CTNND1: variants seen among roughly 807,000 people sequenced by gnomAD.
CTNND1 encodes the protein catenin delta-1.
In CTNND1, 16 loss-of-function variants were observed where a neutral mutation model predicts 112.1. That is an observed-to-expected ratio of 0.14 (90% CI 0.10 to 0.22). The LOEUF (loss-of-function observed/expected upper bound fraction) is 0.22, where lower values mean the gene tolerates loss of function less well. CTNND1 is among the 10% of genes least tolerant of loss of function. The pLI is 1.00. For synonymous variants in CTNND1, 420 were observed against 446.5 expected (o/e 0.94, Z 0.75); for missense variants, 1,008 against 1,257.0 (o/e 0.80, Z 3.00).
At chr11:57,790,263 T>TTTCC (rs1423089682) in intron 2 of CTNND1, among the ~76,000 whole-genome samples, 1 of 152,020 alleles carries the variant, frequency 6.6e-6, no homozygotes, top group Non-Finnish European at 1.5e-5. Context: ...AGAGATAAGG[T>TTTCC]TTCCCCATGT....
rs779598158 is a variant in CTNND1, at chr11:57,783,360, T to C, written c.-213-5677T>C. ...GGTACTTAGACTTTGGACTCTGGTA[T>C]AAGCACTGATAAGAAGCCATAGAAA... On this transcript the variant is annotated intron_variant, in intron 1 of 20. Transcript: ENST00000399050. 1.3e-4 allele frequency among the ~76,000 whole-genome samples: 20 copies of C among 150,990 alleles called. No individual in the cohort carries two copies. In the South Asian group the frequency reaches 2.3e-3, roughly 17 times the overall value.
At chr11:57,815,569 AAC>A (rs1316456651) in intron 19 of CTNND1, 69 bp downstream of exon 19, 3 of 1,293,530 alleles carry the variant, frequency 2.3e-6, no homozygotes, top group Admixed American at 1.7e-5. Flanking sequence ...TGTTTTGTGA[AAC>A]ACAAAAAAAA....
intron 1 of CTNND1, among the ~76,000 whole-genome samples, chr11:57,778,973 T>TTAAGTTATA (rs1323028283): frequency 6.6e-6 from 1 of 152,214 alleles, no homozygotes; most frequent in Non-Finnish European, 1.5e-5. Flanking sequence ...GTTTTAGCAC[T>TTAAGTTATA]TAAGTTATAT....
At chr11:57,814,412 T>C (rs1470715890) in intron 18 of CTNND1, 39 bp downstream of exon 18, 2 of 1,492,330 alleles carry the variant, frequency 1.3e-6, no homozygotes, top group Non-Finnish European at 1.9e-6. Context: ...TGGAGTAATA[T>C]TTCACTGGCT....
chr11:57,800,279 T>C (rs533370014), intron 6 of CTNND1, among the ~76,000 whole-genome samples: 7 of 151,992 alleles, frequency 4.6e-5, no homozygotes, highest in African/African-American at 7.2e-5. Flanking sequence ...TTTTTTTTTT[T>C]TTCTTCGAAA....
At chr11:57,776,874 T>G (rs1440704974) in intron 1 of CTNND1, among the ~76,000 whole-genome samples, 1 of 152,198 alleles carries the variant, frequency 6.6e-6, no homozygotes, top group Admixed American at 6.5e-5. Flanking sequence ...TTCAGTTCTC[T>G]GTCTGGGGTG....
At chr11:57,786,162 T>G (rs2136466042) in intron 1 of CTNND1, among the ~76,000 whole-genome samples, 1 of 150,856 alleles carries the variant, frequency 6.6e-6, no homozygotes, top group Non-Finnish European at 1.5e-5. Context: ...TTATGTTTCC[T>G]CAACCCCCTG....
Position 57,814,360 on chromosome 11 carries a change from C to G in CTNND1, c.2688C>G (p.Asn896Lys), listed in dbSNP as rs771924527. 6.2e-7 allele frequency: 1 copy of G among 1,610,296 alleles called. No homozygotes were observed. The highest frequency in any genetic ancestry group is 1.1e-5 in the South Asian group (1 of 90,106). ...EEIQMSNMGS[N>K]TKSLDNNYST... Reference sequence around the variant, plus strand: ...TTCAGATGAGCAATATGGGATCAAACACAAAATCACTAGGTAGGTGATTAA... The same window carrying G: ...TTCAGATGAGCAATATGGGATCAAAGACAAAATCACTAGGTAGGTGATTAA... Residue 896 changes from asparagine (N) to lysine (K), a missense_variant, in exon 18 of 21, where the codon AAC becomes AAG. Transcript: ENST00000399050.
chr11:57,791,323 A>G, intron 2 of CTNND1, 62 bp from the exon 3 acceptor site: 2 of 1,249,044 alleles, frequency 1.6e-6, no homozygotes, highest in Non-Finnish European at 2.0e-6. Flanking sequence ...TGGGATTAAT[A>G]ATTCATCTGT....
chr11:57,777,786 G>T (rs1049976881), intron 1 of CTNND1, among the ~76,000 whole-genome samples: 1 of 152,138 alleles, frequency 6.6e-6, no homozygotes, highest in Non-Finnish European at 1.5e-5. Flanking sequence ...TGAGCATCTT[G>T]CTCATTTTAT....
At chr11:57,775,521 G>A (rs1171810923) in intron 1 of CTNND1, among the ~76,000 whole-genome samples, 1 of 152,172 alleles carries the variant, frequency 6.6e-6, no homozygotes, top group Non-Finnish European at 1.5e-5. Context: ...ACTTAGCATG[G>A]TATGGAGGAC....
intron 1 of CTNND1, among the ~76,000 whole-genome samples, chr11:57,769,604 C>A (rs1952050553): frequency 6.6e-6 from 1 of 152,096 alleles, no homozygotes; most frequent in African/African-American, 2.4e-5. Flanking sequence ...CTCTTTGCCT[C>A]CTCTTGCCTC....
In CTNND1 at chr11:57,816,316, A is replaced by G; in HGVS notation, c.*8A>G. ...CCACAGCAGAAGATTTAGCACCACT[A>G]TCTCCGTTCCATCTGGGCTTATATG... On this transcript the variant is annotated 3_prime_UTR_variant, in exon 21 of 21. Transcript: ENST00000399050. The G allele has an allele frequency of 6.2e-7, 1 of 1,613,386 alleles. No individual in the cohort carries two copies. The highest frequency in any genetic ancestry group is 8.5e-7 in the Non-Finnish European group (1 of 1,179,542).
chr11:57,795,769 G>T (rs200896049), intron 5 of CTNND1, 40 bp downstream of exon 5: 3 of 1,525,944 alleles, frequency 2.0e-6, no homozygotes, highest in African/African-American at 2.8e-5. Flanking sequence ...GTGATAAGAG[G>T]TCTTTTCTTC....
intron 1 of CTNND1, among the ~76,000 whole-genome samples, chr11:57,770,260 G>A (rs1053173961): frequency 6.6e-6 from 1 of 152,050 alleles, no homozygotes; most frequent in African/African-American, 2.4e-5. Flanking sequence ...AATCTGTGAG[G>A]TGGAGGTTGC....
rs555079257 is a variant in CTNND1 at position 57,804,038 on chromosome 11, C to CTT, written c.1604+236_1604+237dup. ...ACACATCCTCTTCACTTTTATGCCT[C>CTT]TTTGACTTTGTTCATCTACTTTGGT... On this transcript the variant is annotated intron_variant, in intron 8 of 20. Transcript: ENST00000399050. The CTT allele has an allele frequency of 2.2e-4, 76 of 350,772 alleles. 3 individuals are homozygous for CTT. The South Asian group carries it at 5.1e-3, about 24-fold the overall frequency. The allele number at this position is 350,772 out of a possible 1,614,324, so 21.7% of individuals were successfully genotyped here.
Position 57,779,565 on chromosome 11 carries a change from A to G in CTNND1, c.-213-9472A>G, listed in dbSNP as rs145947049. ...ACAGCTGCCCTAGAGGCAGATTGCT[A>G]ACATACCACTAGAACAATCCTTCTT... On this transcript the variant is annotated intron_variant, in intron 1 of 20. Coordinates refer to ENST00000399050, the MANE Select transcript of CTNND1 (RefSeq NM_001085458.2). Among the ~76,000 whole-genome samples, 676 of 152,294 alleles carry G rather than the reference A, an allele frequency of 4.4e-3. 4 individuals carry two copies. Among genetic ancestry groups the G allele is most frequent in the African/African-American group, 0.015 (619 of 41,560 alleles).
chr11:57,777,559 T>C (rs2059149644), intron 1 of CTNND1, among the ~76,000 whole-genome samples: 2 of 152,218 alleles, frequency 1.3e-5, no homozygotes, highest in Non-Finnish European at 2.9e-5. Flanking sequence ...CTTGAGCCAC[T>C]GTGCCAGGCC....
chr11:57,814,795 T>C (rs2063765890), intron 18 of CTNND1, among the ~76,000 whole-genome samples: 1 of 152,142 alleles, frequency 6.6e-6, no homozygotes, highest in South Asian at 2.1e-4. Context: ...TAAATTCTCT[T>C]TATCTCCAAA....
Sources: gnomAD v4.1 joint callset for allele counts (sites outside exome capture counted in the v4.1 genomes callset) on GRCh38, gnomAD v4.1.1 for gene constraint, MANE v1.5 for transcripts, NCBI Gene and HGNC (gene_info 2026-07-23, HGNC 2026-07-21) for gene names.